Variants in CDH4 observed in about 807,000 individuals in gnomAD.
CDH4 encodes cadherin-4.
In CDH4, 33 loss-of-function variants were observed where a neutral mutation model predicts 86.0. That is an observed-to-expected ratio of 0.38 (90% CI 0.29 to 0.51). CDH4 has a LOEUF of 0.51. CDH4 is among the 20% of genes least tolerant of loss of function. The pLI, the probability that CDH4 is intolerant of heterozygous loss-of-function variation, is 0.86. For synonymous variants in CDH4, 555 were observed against 549.4 expected (o/e 1.01, Z -0.14); for missense variants, 1,114 against 1,307.4 (o/e 0.85, Z 2.28).
chr20:61,284,088 A>G (rs924180518), intron 2 of CDH4, among the ~76,000 whole-genome samples: 4 of 151,894 alleles, frequency 2.6e-5, no homozygotes, highest in East Asian at 3.9e-4. Flanking sequence ...GGTGGATCAC[A>G]AGGTCAGGAG....
intron 2 of CDH4, among the ~76,000 whole-genome samples, chr20:61,697,279 TAGGAAA>T (rs1326763000): frequency 6.6e-6 from 1 of 151,946 alleles, no homozygotes; most frequent in Non-Finnish European, 1.5e-5. Context: ...TCTGGATCCT[TAGGAAA>T]AGAACATCAG....
chr20:61,757,003 A>G (rs2088572984), intron 3 of CDH4, among the ~76,000 whole-genome samples: 1 of 152,232 alleles, frequency 6.6e-6, no homozygotes, highest in African/African-American at 2.4e-5. Context: ...TCTAGAATAA[A>G]TAAACAGCAA....
chr20:61,292,619 C>T (rs1448519529), intron 2 of CDH4, among the ~76,000 whole-genome samples: 3 of 152,238 alleles, frequency 2.0e-5, no homozygotes, highest in South Asian at 2.1e-4. Flanking sequence ...CCACAGAGGA[C>T]GGCCCAGCCC....
In CDH4 at chr20:61,879,840, A is replaced by T. The variant is rs1419544775; in HGVS notation, c.1050+5940A>T. ...CGTCCCTTCCAGGCTGCTCCCGAGG[A>T]TGTTGATTTTGTTATTAGAAACTGA... On this transcript the variant is annotated intron_variant, in intron 7 of 15. Transcript: ENST00000614565. This position sits in a 1 kb window ranked among gnomAD's most constrained non-coding sequence, Gnocchi z 4.1. Among the ~76,000 whole-genome samples the T allele has an allele frequency of 6.6e-6, 1 of 152,018 alleles. No individual in the cohort carries two copies. The highest frequency in any genetic ancestry group is 1.5e-5 in the Non-Finnish European group (1 of 68,004).
At chr20:61,675,952 T>C (rs1412319445) in intron 2 of CDH4, among the ~76,000 whole-genome samples, 1 of 152,220 alleles carries the variant, frequency 6.6e-6, no homozygotes, top group Non-Finnish European at 1.5e-5. Context: ...GGAGGCCCAC[T>C]GCACACTCAG....
intron 2 of CDH4, among the ~76,000 whole-genome samples, chr20:61,347,353 C>G (rs2084685518): frequency 6.6e-6 from 1 of 152,232 alleles, no homozygotes; most frequent in Non-Finnish European, 1.5e-5. Context: ...GATGAGGCTT[C>G]TGTCTTAGAT....
intron 2 of CDH4, among the ~76,000 whole-genome samples, chr20:61,652,458 A>G (rs2087131893): frequency 1.3e-5 from 2 of 152,254 alleles, no homozygotes; most frequent in Admixed American, 6.5e-5. Context: ...ACTGTCGTCT[A>G]TTTAAGCGTC....
chr20:61,506,532 T>A (rs1568869260), intron 2 of CDH4, among the ~76,000 whole-genome samples: 1 of 152,184 alleles, frequency 6.6e-6, no homozygotes, highest in Non-Finnish European at 1.5e-5. Context: ...AAGCTTCCAT[T>A]TTGGCAGCTT....
chr20:61,737,985 C>T (rs2088285934), intron 2 of CDH4, among the ~76,000 whole-genome samples: 2 of 152,190 alleles, frequency 1.3e-5, no homozygotes, highest in Non-Finnish European at 2.9e-5. Flanking sequence ...TGCCCCACAG[C>T]GCATGCAGCG....
intron 2 of CDH4, among the ~76,000 whole-genome samples, chr20:61,409,167 G>A (rs1241676021): frequency 6.6e-6 from 1 of 152,182 alleles, no homozygotes; most frequent in Non-Finnish European, 1.5e-5. Flanking sequence ...CACATGGCTC[G>A]GCAGAGTGGC....
chr20:61,410,937 C>T (rs1600951910), intron 2 of CDH4, among the ~76,000 whole-genome samples: 1 of 151,916 alleles, frequency 6.6e-6, no homozygotes, highest in East Asian at 1.9e-4. Context: ...ATCCATCTGT[C>T]CATCATCCAC....
chr20:61,479,090 T>G (rs1218281866), intron 2 of CDH4, among the ~76,000 whole-genome samples: 1 of 152,190 alleles, frequency 6.6e-6, no homozygotes, highest in Non-Finnish European at 1.5e-5. Context: ...GGAAATCTGT[T>G]GTGGCTCTTA....
chr20:61,883,549 C>G (rs1984390944), intron 7 of CDH4, among the ~76,000 whole-genome samples: 2 of 152,208 alleles, frequency 1.3e-5, no homozygotes. Context: ...AAAAGCTTCC[C>G]CAGAGCATCA....
chr20:61,413,177 G>T (rs113092510), intron 2 of CDH4, among the ~76,000 whole-genome samples: 1 of 147,496 alleles, frequency 6.8e-6, no homozygotes, highest in Admixed American at 6.8e-5. Context: ...CTCCCCATTC[G>T]CAGAGCTTCC....
chr20:61,563,890 C>T lies in CDH4; in HGVS notation c.170-179673C>T, dbSNP rs570016913. On this transcript the variant is annotated intron_variant, in intron 2 of 15. Transcript: ENST00000614565. ...GCACCTGTTGTATTAACAGGTGATG[C>T]GTGCAGTAGTGGGGCCTGGATTACA... Among the ~76,000 whole-genome samples the T allele has an allele frequency of 5.9e-5, 9 of 152,274 alleles. No individual in the cohort carries two copies. In the East Asian group the frequency reaches 1.5e-3, roughly 26 times the overall value.
At chr20:61,837,548 A>G (rs1321293374) in intron 4 of CDH4, among the ~76,000 whole-genome samples, 5 of 152,024 alleles carry the variant, frequency 3.3e-5, no homozygotes, top group East Asian at 1.9e-4. Flanking sequence ...ATTTTTTTCA[A>G]TGGTCCCTTA....
At chr20:61,869,167 T>A (rs2146141721) in intron 6 of CDH4, among the ~76,000 whole-genome samples, 1 of 152,376 alleles carries the variant, frequency 6.6e-6, no homozygotes, top group Non-Finnish European at 1.5e-5. Context: ...GGTCTTCCCT[T>A]GGTAGAACTA....
chr20:61,486,799 G>C (rs1600707513), intron 2 of CDH4, among the ~76,000 whole-genome samples: 1 of 152,140 alleles, frequency 6.6e-6, no homozygotes, highest in East Asian at 1.9e-4. Context: ...TGAAGCAGGA[G>C]TATCACTTGG....
intron 2 of CDH4, chr20:61,599,823 C>G: frequency 5.1e-6 from 5 of 985,674 alleles, no homozygotes; most frequent in Non-Finnish European, 4.8e-6. Context: ...CTTTCCTGTT[C>G]CTGGTTGAAG....
Sources: gnomAD v4.1 joint callset for allele counts (sites outside exome capture counted in the v4.1 genomes callset) on GRCh38, gnomAD v4.1.1 for gene constraint, Gnocchi (gnomAD v3.1) non-coding constraint, MANE v1.5 for transcripts, NCBI Gene and HGNC (gene_info 2026-07-23, HGNC 2026-07-21) for gene names.